The following CFAP69 variants were observed in gnomAD, a reference collection of about 807,000 sequenced individuals.
The protein encoded by CFAP69 is cilia- and flagella-associated protein 69.
A neutral mutation model predicts 123.0 loss-of-function variants in CFAP69; 92 were observed. That is an observed-to-expected ratio of 0.75 (90% CI 0.63 to 0.89). CFAP69 has a LOEUF of 0.89. Ranked by LOEUF, CFAP69 falls within the 40% of genes least tolerant of loss-of-function variation. The pLI is 0.00. For synonymous variants in CFAP69, 380 were observed against 364.3 expected (o/e 1.04, Z -0.49); for missense variants, 1,067 against 1,096.9 (o/e 0.97, Z 0.39).
chr7:90,279,519 G>GT (rs1554364557), intron 11 of CFAP69, among the ~76,000 whole-genome samples, 158 bp from the exon 12 acceptor site: 5,319 of 147,322 alleles, frequency 0.036, 125 homozygotes, highest in South Asian at 0.058. Context: ...AATTTTTGGT[G>GT]TTTTTTTTTT....
At chr7:90,288,988 ATT>A (rs1191840110) in intron 15 of CFAP69, among the ~76,000 whole-genome samples, 8 of 151,742 alleles carry the variant, frequency 5.3e-5, no homozygotes, top group Admixed American at 5.3e-4. Flanking sequence ...ATACAAAAAT[ATT>A]TTCTTTCTTT....
intron 17 of CFAP69, chr7:90,301,333 A>T (rs12704519): frequency 0.56 from 84,084 of 150,598 alleles, 24,533 homozygotes; most frequent in Non-Finnish European, 0.66. Flanking sequence ...TTTTTTTTTT[A>T]AATTTTATTT....
At chr7:90,273,137 G>A (rs1371123722) in intron 8 of CFAP69, among the ~76,000 whole-genome samples, 2 of 152,182 alleles carry the variant, frequency 1.3e-5, no homozygotes, top group Admixed American at 6.5e-5. Flanking sequence ...CTCAAGTCTA[G>A]TAACTGAATG....
At chr7:90,248,347 G>A (rs376726427) in intron 1 of CFAP69, among the ~76,000 whole-genome samples, 4 of 152,116 alleles carry the variant, frequency 2.6e-5, no homozygotes, top group Admixed American at 2.6e-4. Flanking sequence ...TAAAATGTAC[G>A]GGTTATTTTG....
At chr7:90,319,601 T>G in the CFAP69 span, 2 of 398,520 alleles carry the variant, frequency 5.0e-6, no homozygotes, top group Non-Finnish European at 8.8e-6. Context: ...GAGCAAGCTT[T>G]CCAGCACTGG....
chr7:90,277,887 G>C (rs932485600), intron 11 of CFAP69, among the ~76,000 whole-genome samples: 7 of 151,980 alleles, frequency 4.6e-5, no homozygotes, highest in African/African-American at 1.7e-4. Flanking sequence ...TAGCTATGTG[G>C]CCTTAGAAAA....
At chr7:90,278,999 T>G (rs576348316) in intron 11 of CFAP69, among the ~76,000 whole-genome samples, 86 of 152,284 alleles carry the variant, frequency 5.6e-4, no homozygotes, top group African/African-American at 2.0e-3. Flanking sequence ...TTGTGAATCA[T>G]AAATATGTAT....
chr7:90,262,633 A>G (rs960131169), intron 4 of CFAP69, among the ~76,000 whole-genome samples: 3 of 152,254 alleles, frequency 2.0e-5, no homozygotes, highest in African/African-American at 7.2e-5. Flanking sequence ...TTGGTGCCAC[A>G]TAGTGGCTAA....
chr7:90,271,813 G>A lies in CFAP69; in HGVS notation c.715G>A (p.Ala239Thr). 4 of 1,584,038 alleles carry A rather than the reference G, an allele frequency of 2.5e-6. No individual in the cohort carries two copies. Among genetic ancestry groups the A allele is most frequent in the Non-Finnish European group, 3.4e-6 (4 of 1,164,528 alleles). Residue 239 changes from alanine to threonine, a missense_variant, in exon 8 of 23, where the codon GCA (alanine) becomes ACA (threonine). By Grantham distance (58) the Ala-to-Thr change is moderately conservative. Transcript: ENST00000389297. ...TTGTACTATAATGATGAAAGCACAA[G>A]CAGCCAGTGGAATCTGTACTCACCT... is the stretch of plus-strand genomic sequence containing the variant. ...VNCTIMMKAQ[A>T]ASGICTHLND... is the part of the protein sequence containing the mutation.
Position 90,245,488 on chromosome 7 carries a change from A to G in CFAP69, c.64A>G (p.Ser22Gly). Residue 22 changes from serine to glycine, a missense_variant, in exon 1 of 23, where the codon AGC becomes GGC. By Grantham distance (56) the Ser-to-Gly change is moderately conservative (BLOSUM62 0). Transcript: ENST00000389297. ...GGAATCCGGCATCAGGAACAAGTCT[A>G]GCAGTTCCAGTCAAATCCCGGTGGT... ...AQESGIRNKS[S>G]SSSQIPVVGV... The G allele has an allele frequency of 6.5e-7, 1 of 1,546,046 alleles. No individual in the cohort carries two copies. The highest frequency in any genetic ancestry group is 8.7e-7 in the Non-Finnish European group (1 of 1,149,368).
Position 90,299,994 on chromosome 7 carries a change from T to C in CFAP69, c.1985T>C (p.Ile662Thr). 3 of 1,611,174 alleles carry C rather than the reference T, an allele frequency of 1.9e-6. No individual in the cohort carries two copies. The highest frequency in any genetic ancestry group is 1.7e-6 in the Non-Finnish European group (2 of 1,178,832). ...KKDQTAASLLIKLWRKEEKEL... is the reference protein window; with the variant it reads ...KKDQTAASLLTKLWRKEEKEL... ...GATCAGACAGCTGCTAGTCTTTTAA[T>C]TAAATTGTGGAGAAAGGAGGAAAAA... Residue 662 changes from isoleucine (I) to threonine (T), a missense_variant, in exon 17 of 23, where the codon ATT becomes ACT. Coordinates refer to ENST00000389297, the MANE Select transcript of CFAP69 (RefSeq NM_001039706.3).
rs1486909848 is a variant in CFAP69, at chr7:90,299,872, C to T, written c.1863C>T (p.Asn621=). 6.3e-7 allele frequency: 1 copy of T among 1,591,890 alleles called. No homozygotes were observed. Among genetic ancestry groups the T allele is most frequent in the Admixed American group, 1.7e-5 (1 of 57,364 alleles). ...IFLLLDLLAL[N]QKKFCNLILG... is the part of the protein sequence containing the mutation. ...TTTCTGTTTCCTTGCTAAAGTTGAA[C>T]CAAAAAAAATTCTGTAATCTAATAC... The change falls in exon 17 of 23, where the codon AAC becomes AAT. Residue 621 remains asparagine, a synonymous_variant. Transcript: ENST00000389297.
chr7:90,313,386 G>A (rs1794489553), downstream of CFAP69, among the ~76,000 whole-genome samples: 1 of 152,170 alleles, frequency 6.6e-6, no homozygotes, highest in South Asian at 2.1e-4. Flanking sequence ...GAAAATGTCA[G>A]GGATGCTTTC....
downstream of CFAP69, among the ~76,000 whole-genome samples, chr7:90,312,322 A>G (rs562631031): frequency 1.3e-5 from 2 of 152,368 alleles, no homozygotes; most frequent in South Asian, 4.1e-4. Context: ...TGAGGCATAA[A>G]TACTACTACA....
In CFAP69 at chr7:90,310,147, C is replaced by T. The variant is rs1405277963; in HGVS notation, c.2735C>T (p.Ala912Val). 1.2e-6 allele frequency: 2 copies of T among 1,613,896 alleles called. No homozygotes were observed. Among genetic ancestry groups the T allele is most frequent in the South Asian group, 1.1e-5 (1 of 91,078 alleles). The part of the protein sequence containing the change: ...VGGPLVDTDI[A>V]LKKLPIRGGA... Reference sequence around the variant, plus strand: ...GGACCTCTGGTTGATACGGATATTGCTCTTAAAAAACTGCCCATTCGAGGA... The same window carrying T: ...GGACCTCTGGTTGATACGGATATTGTTCTTAAAAAACTGCCCATTCGAGGA... The change falls in exon 23 of 23, where the codon GCT becomes GTT. Residue 912 changes from alanine (A) to valine (V), a missense_variant. Physicochemically the swap from Ala to Val is moderately conservative, Grantham distance 64. Coordinates refer to ENST00000389297, the MANE Select transcript of CFAP69 (RefSeq NM_001039706.3).
downstream of CFAP69, among the ~76,000 whole-genome samples, chr7:90,314,285 A>G (rs1309459900): frequency 6.6e-6 from 1 of 152,184 alleles, no homozygotes; most frequent in Admixed American, 6.5e-5. Flanking sequence ...TATTGGTTTC[A>G]GTGTATTAGT....
At position 90,277,333 on chromosome 7, in the gene CFAP69, A is replaced by C; in HGVS notation, c.1154A>C (p.Gln385Pro). Residue 385 changes from glutamine (Q) to proline (P), a missense_variant and splice_region_variant, in exon 11 of 23, where the codon CAG (glutamine) becomes CCG (proline). Gln to Pro is a moderately conservative substitution (Grantham distance 76). Transcript: ENST00000389297. ...TTATGTAAAGATTTACCTACTGTAC[A>C]GGTAAAGAGTAATCAAGGCAGGAAA... ...VILCKDLPTV[Q>P]LLIDGKVILA... The C allele has an allele frequency of 6.6e-7, 1 of 1,513,004 alleles. No homozygotes were observed. The highest frequency in any genetic ancestry group is 8.8e-7 in the Non-Finnish European group (1 of 1,135,508). The allele number at this position is 1,513,004 out of a possible 1,614,324, so 93.7% of individuals were successfully genotyped here.
intron 16 of CFAP69, 44 bp from the exon 17 acceptor site, chr7:90,299,823 A>T: frequency 7.0e-7 from 1 of 1,424,814 alleles, no homozygotes; most frequent in Non-Finnish European, 9.5e-7. Flanking sequence ...AATAATTCTT[A>T]ATATTTATTG....
intron 4 of CFAP69, among the ~76,000 whole-genome samples, chr7:90,264,104 A>AATATATATATAT (rs71104454): frequency 2.0e-5 from 1 of 48,886 alleles, no homozygotes; most frequent in Non-Finnish European, 4.0e-5. Context: ...AAAAAAAAAA[A>AATATATATATAT]ATATATATAT....
Sources: gnomAD v4.1 joint callset for allele counts (sites outside exome capture counted in the v4.1 genomes callset) on GRCh38, gnomAD v4.1.1 for gene constraint, MANE v1.5 for transcripts, NCBI Gene and HGNC (gene_info 2026-07-23, HGNC 2026-07-21) for gene names.